Variants in ABHD12 observed in about 807,000 individuals in gnomAD.
The protein encoded by ABHD12 is abhydrolase domain containing 12, lysophospholipase, also known as lysophosphatidylserine lipase ABHD12.
A neutral mutation model predicts 58.3 loss-of-function variants in ABHD12; 43 were observed. The observed-to-expected ratio is 0.74, with a 90% CI of 0.58 to 0.95. The LOEUF (loss-of-function observed/expected upper bound fraction) is 0.95. Ranked by LOEUF, ABHD12 falls within the 40% of genes least tolerant of loss-of-function variation. The pLI, the probability that ABHD12 is intolerant of heterozygous loss-of-function variation, is 0.00. For missense variants in ABHD12, 539 were observed against 537.2 expected (o/e 1.00, Z -0.03); for synonymous variants, 219 against 211.2 (o/e 1.04, Z -0.32).
intron 1 of ABHD12, among the ~76,000 whole-genome samples, chr20:25,387,271 G>C (rs2090103722): frequency 6.6e-6 from 1 of 152,072 alleles, no homozygotes; most frequent in Non-Finnish European, 1.5e-5. Context: ...AATCAGAAAA[G>C]AAAAAGAGGT....
chr20:25,297,350 A>AT (rs1313667387), downstream of ABHD12: 1 of 152,350 alleles, frequency 6.6e-6, no homozygotes, highest in African/African-American at 2.4e-5. Flanking sequence ...GCAACTGAAA[A>AT]TTGTACTTGG....
chr20:25,306,678 A>G (rs1228282507), intron 10 of ABHD12, among the ~76,000 whole-genome samples, 155 bp downstream of exon 10: 5 of 152,192 alleles, frequency 3.3e-5, no homozygotes, highest in Non-Finnish European at 5.9e-5. Context: ...CACGGTCCCT[A>G]GCAGGCTTTC....
intron 2 of ABHD12, among the ~76,000 whole-genome samples, chr20:25,331,047 A>G (rs1217401222): frequency 1.3e-5 from 2 of 152,230 alleles, no homozygotes; most frequent in Non-Finnish European, 2.9e-5. Context: ...ACCAAAGGCA[A>G]AGAAGTTGAA....
chr20:25,388,458 G>C (rs2090124082), intron 1 of ABHD12, among the ~76,000 whole-genome samples: 1 of 152,162 alleles, frequency 6.6e-6, no homozygotes, highest in Non-Finnish European at 1.5e-5. Flanking sequence ...AGGTCGACAG[G>C]AGTGGGCTGG....
At chr20:25,320,173 A>G in intron 4 of ABHD12, 26 bp downstream of exon 4, 1 of 1,613,230 alleles carries the variant, frequency 6.2e-7, no homozygotes, top group South Asian at 1.1e-5. Context: ...GCTCCACAGC[A>G]AAGATGATGG....
intron 1 of ABHD12, among the ~76,000 whole-genome samples, chr20:25,353,579 C>T (rs1318567356): frequency 6.6e-6 from 1 of 152,280 alleles, no homozygotes; most frequent in African/African-American, 2.4e-5. Context: ...GTATTCTGTA[C>T]AGGCTGGGCT....
intron 2 of ABHD12, among the ~76,000 whole-genome samples, chr20:25,325,512 A>G (rs2089159842): frequency 6.6e-6 from 1 of 152,192 alleles, no homozygotes; most frequent in African/African-American, 2.4e-5. Flanking sequence ...TCCTTATAAA[A>G]TGGGGACATT....
At chr20:25,373,435 T>C (rs1359612718) in intron 1 of ABHD12, among the ~76,000 whole-genome samples, 1 of 151,908 alleles carries the variant, frequency 6.6e-6, no homozygotes, top group African/African-American at 2.4e-5. Flanking sequence ...TAATCCTGGC[T>C]ACTTGGGGGG....
chr20:25,390,636 G>A lies in ABHD12; in HGVS notation c.68C>T (p.Ser23Phe). 1.4e-6 allele frequency: 2 copies of A among 1,453,186 alleles called. No individual in the cohort carries two copies. The highest frequency in any genetic ancestry group is 1.3e-5 in the South Asian group (1 of 76,560). The allele number at this position is 1,453,186 out of a possible 1,614,324, so 90.0% of individuals were successfully genotyped here. A position where few individuals can be genotyped will look rare whatever the true frequency, so the allele number is the denominator to read the frequency against. ...GTCCAGCGCCGCGGCGGCCGAGCCG[G>A]AGGAGGACGAGCCCGCGGCGGCGCA... Reference protein sequence around the residue: ...ERCAAAGSSSSGSAAAALDAD... With the variant: ...ERCAAAGSSSFGSAAAALDAD... The change falls in exon 1 of 13, where the codon TCC becomes TTC. Residue 23 changes from serine to phenylalanine, a missense_variant. Transcript: ENST00000339157.
intron 11 of ABHD12, 153 bp downstream of exon 11, chr20:25,303,397 G>C: frequency 6.6e-7 from 1 of 1,522,836 alleles, no homozygotes; most frequent in Middle Eastern, 2.3e-4. Flanking sequence ...CAGGGAGGAT[G>C]AGGTGGCCTC....
chr20:25,390,476 G>GCCCC (rs773039836), intron 1 of ABHD12, 37 bp downstream of exon 1: 1,370 of 1,033,018 alleles, frequency 1.3e-3, no homozygotes, highest in South Asian at 5.0e-3. Context: ...GTGAGGGACC[G>GCCCC]GCCCCCCCCC....
chr20:25,307,643 G>T (rs1190430028), intron 9 of ABHD12, among the ~76,000 whole-genome samples: 1 of 152,222 alleles, frequency 6.6e-6, no homozygotes, highest in Non-Finnish European at 1.5e-5. Context: ...TACACAGAGA[G>T]GGGGGCACCC....
intron 1 of ABHD12, among the ~76,000 whole-genome samples, chr20:25,353,364 C>CA (rs2089627341): frequency 6.6e-6 from 1 of 151,040 alleles, no homozygotes; most frequent in Non-Finnish European, 1.5e-5. Flanking sequence ...ATAACTCAAA[C>CA]AAAAAATTTA....
intron 8 of ABHD12, 55 bp downstream of exon 8, chr20:25,308,402 C>T: frequency 6.3e-7 from 1 of 1,594,996 alleles, no homozygotes; most frequent in Non-Finnish European, 8.5e-7. Flanking sequence ...AGGGCCGGGA[C>T]TGGGGAGCAC....
intron 2 of ABHD12, among the ~76,000 whole-genome samples, chr20:25,331,430 A>G (rs2089273986): frequency 2.0e-5 from 3 of 152,182 alleles, no homozygotes; most frequent in South Asian, 2.1e-4. Flanking sequence ...GCAGGCCAAC[A>G]TTCAGATTCA....
chr20:25,322,307 T>C (rs368254382), intron 3 of ABHD12, among the ~76,000 whole-genome samples: 3 of 148,196 alleles, frequency 2.0e-5, no homozygotes, highest in African/African-American at 7.4e-5. Flanking sequence ...TGCGAAGCTA[T>C]ATGTGAAAAG....
downstream of ABHD12, chr20:25,296,416 C>A (rs762351986): frequency 6.2e-7 from 1 of 1,614,070 alleles, no homozygotes; most frequent in Admixed American, 1.7e-5. Flanking sequence ...ATCGCCTGCT[C>A]GGGCAAGTTC....
chr20:25,312,352 T>C (rs2088865497), intron 6 of ABHD12, among the ~76,000 whole-genome samples: 1 of 152,144 alleles, frequency 6.6e-6, no homozygotes, highest in Non-Finnish European at 1.5e-5. Context: ...CTGGTTTTCG[T>C]ATTTTTTTGG....
chr20:25,385,492 G>A (rs1427967694), intron 1 of ABHD12, among the ~76,000 whole-genome samples: 1 of 152,044 alleles, frequency 6.6e-6, no homozygotes, highest in African/African-American at 2.4e-5. Context: ...CTGAAACCAG[G>A]ACATAGCAAA....
Sources: gnomAD v4.1 joint callset for allele counts (sites outside exome capture counted in the v4.1 genomes callset) on GRCh38, gnomAD v4.1.1 for gene constraint, MANE v1.5 for transcripts, NCBI Gene and HGNC (gene_info 2026-07-23, HGNC 2026-07-21) for gene names.